RSRP1: variants seen among roughly 807,000 people sequenced by gnomAD.
RSRP1 encodes arginine/serine-rich protein 1.
A neutral mutation model predicts 33.0 loss-of-function variants in RSRP1; 37 were observed. The ratio of observed to expected loss-of-function variants is 1.12; its 90% confidence interval spans 0.86 to 1.48. The LOEUF (loss-of-function observed/expected upper bound fraction) is 1.48, where lower values mean the gene tolerates loss of function less well. Ranked by LOEUF, RSRP1 falls within the 40% of genes most tolerant of loss-of-function variation. RSRP1 has a pLI of 0.00. For synonymous variants in RSRP1, 167 were observed against 158.7 expected (o/e 1.05, Z -0.40); for missense variants, 402 against 385.3 (o/e 1.04, Z -0.36).
intron 1 of RSRP1, among the ~76,000 whole-genome samples, chr1:25,311,242 T>G (rs1220701671): frequency 1.5e-5 from 2 of 132,714 alleles, no homozygotes; most frequent in Non-Finnish European, 3.6e-5. Context: ...GAACTTTTTC[T>G]GTGCCAGAGT....
At chr1:25,296,971 T>C (rs182762412) in intron 1 of RSRP1, among the ~76,000 whole-genome samples, 2 of 131,786 alleles carry the variant, frequency 1.5e-5, no homozygotes, top group East Asian at 3.9e-4. Context: ...ATAACCTTTT[T>C]TCAGTTAACA....
rs1310798635 is a variant in RSRP1 at position 25,332,373 on chromosome 1, CATTTCAA to C, written c.-67+5598_-67+5604del. On this transcript the variant is annotated intron_variant, in intron 1 of 1. Transcript: ENST00000561867. ...TTCTTATTTCCCACATTGCCAATTC[CATTTCAA>C]TTAACTATAATAGCTATGTCTATTG... Among the ~76,000 whole-genome samples, 3 of 131,884 alleles carry C rather than the reference CATTTCAA, an allele frequency of 2.3e-5. 1 individual carries two copies. The highest frequency in any genetic ancestry group is 5.4e-5 in the Non-Finnish European group (3 of 55,776). The allele number at this position is 131,884 out of a possible 152,430, so 86.5% of individuals were successfully genotyped here. A position where few individuals can be genotyped will look rare whatever the true frequency, so the allele number is the denominator to read the frequency against.
intron 1 of RSRP1, among the ~76,000 whole-genome samples, chr1:25,283,399 C>T (rs28742253): frequency 0.014 from 1,821 of 130,726 alleles, 209 homozygotes; most frequent in African/African-American, 0.045. Context: ...GGCACGGTGG[C>T]AGGCACCTGT....
chr1:25,311,324 C>A (rs187265888), intron 1 of RSRP1, among the ~76,000 whole-genome samples: 3 of 131,824 alleles, frequency 2.3e-5, no homozygotes, highest in East Asian at 2.0e-4. Context: ...CAGCTGAGAA[C>A]ACTGAGAGTG....
rs1641447630 is a variant in RSRP1, at chr1:25,280,988, A to T, written c.-66-33959T>A. 1.5e-5 allele frequency among the ~76,000 whole-genome samples: 2 copies of T among 131,196 alleles called. 1 individual carries two copies. Among genetic ancestry groups the T allele is most frequent in the South Asian group, 4.7e-4 (2 of 4,300 alleles). The allele number at this position is 131,196 out of a possible 152,430, so 86.1% of individuals were successfully genotyped here. ...GGCAACTCTCCTCTCCCCATCTTCC[A>T]CTAACTTCTTTGGAATATTCCAGAG... On this transcript the variant is annotated intron_variant, in intron 1 of 1. Coordinates refer to the RSRP1 transcript ENST00000561867.
intron 1 of RSRP1, chr1:25,253,262 C>T (rs1385009929): frequency 1.3e-5 from 2 of 152,216 alleles, no homozygotes; most frequent in Non-Finnish European, 2.9e-5. Flanking sequence ...AACTTATAAT[C>T]AACATCCTTT....
At chr1:25,244,198 C>T in intron 3 of RSRP1, 1 of 1,289,020 alleles carries the variant, frequency 7.8e-7, no homozygotes. Flanking sequence ...TGAAGCAGGC[C>T]TCCTCTTCTG....
In RSRP1 at chr1:25,245,277, G is replaced by A. The variant is rs376481040; in HGVS notation, c.545C>T (p.Ala182Val). 6.2e-7 allele frequency: 1 copy of A among 1,613,294 alleles called. No individual in the cohort carries two copies. Among genetic ancestry groups the A allele is most frequent in the African/African-American group, 1.3e-5 (1 of 74,724 alleles). ...EKDRMELLEI[A>V]KTNAAKALGT... is the part of the protein sequence containing the mutation. Reference sequence around the variant, plus strand: ...TAGAGCTTTCGCTGCATTGGTTTTTGCTATTTCTAACAGCTCCATTCGATC... The same window carrying A: ...TAGAGCTTTCGCTGCATTGGTTTTTACTATTTCTAACAGCTCCATTCGATC... The change falls in exon 3 of 5, where the codon GCA (alanine) becomes GTA (valine). Residue 182 changes from alanine to valine, a missense_variant. Ala to Val is a moderately conservative substitution (Grantham distance 64). Transcript: ENST00000243189.
intron 1 of RSRP1, among the ~76,000 whole-genome samples, chr1:25,274,135 C>T (rs1278216430): frequency 1.5e-5 from 2 of 132,204 alleles, no homozygotes; most frequent in African/African-American, 5.2e-5. Context: ...TACTATGTAC[C>T]AGGCACTATT....
Position 25,332,467 on chromosome 1 carries a change from T to A in RSRP1, c.-67+5511A>T, listed in dbSNP as rs373495686. 1.5e-5 allele frequency among the ~76,000 whole-genome samples: 2 copies of A among 132,658 alleles called. 1 individual carries two copies. Among genetic ancestry groups the A allele is most frequent in the Non-Finnish European group, 3.6e-5 (2 of 56,042 alleles). The allele number at this position is 132,658 out of a possible 152,430, so 87.0% of individuals were successfully genotyped here. ...TGGGGATATATCCATGAATGAACTA[T>A]AGTCCCTGTTATTAAGTAATCCGTA... On this transcript the variant is annotated intron_variant, in intron 1 of 1. Coordinates refer to the RSRP1 transcript ENST00000561867.
Position 25,314,407 on chromosome 1 carries a change from A to G in RSRP1, c.-67+23571T>C, listed in dbSNP as rs1644324540. 3.0e-5 allele frequency among the ~76,000 whole-genome samples: 4 copies of G among 132,652 alleles called. 1 individual carries two copies. The highest frequency in any genetic ancestry group is 1.5e-4 in the Admixed American group (2 of 13,668). 87.0% of individuals were successfully genotyped at this position (132,652 alleles called of 152,430 possible). A position where few individuals can be genotyped will look rare whatever the true frequency, so the allele number is the denominator to read the frequency against. On this transcript the variant is annotated intron_variant, in intron 1 of 1. Transcript: ENST00000561867. Reference sequence around the variant, plus strand: ...ATTCAAGTTAGTTTGCCCATTTTCTATTGTGGTGTTCTGTCTTTTTCTTAT... The same window carrying G: ...ATTCAAGTTAGTTTGCCCATTTTCTGTTGTGGTGTTCTGTCTTTTTCTTAT...
intron 1 of RSRP1, among the ~76,000 whole-genome samples, chr1:25,254,174 C>T (rs922781075): frequency 6.6e-6 from 1 of 152,158 alleles, no homozygotes; most frequent in Non-Finnish European, 1.5e-5. Flanking sequence ...GGAGCTCACT[C>T]CACTGTTTGC....
chr1:25,266,043 A>G lies in RSRP1; in HGVS notation c.-66-19014T>C, dbSNP rs1200947389. 3 of 117,132 alleles carry G rather than the reference A, an allele frequency of 2.6e-5. 1 individual carries two copies. In the East Asian group the frequency reaches 6.1e-4, roughly 24 times the overall value. The allele number at this position is 117,132 out of a possible 1,614,324, so 7.3% of individuals were successfully genotyped here. A position where few individuals can be genotyped will look rare whatever the true frequency, so the allele number is the denominator to read the frequency against. Reference sequence around the variant, plus strand: ...TATTAGTCCAGTAATTGTAACAAATATACCACAATAATGAAAGCCATTAAT... The same window carrying G: ...TATTAGTCCAGTAATTGTAACAAATGTACCACAATAATGAAAGCCATTAAT... On this transcript the variant is annotated intron_variant, in intron 1 of 1. Transcript: ENST00000561867.
rs1457474399 is a variant in RSRP1 at position 25,334,329 on chromosome 1, C to A, written c.-67+3649G>T. On this transcript the variant is annotated intron_variant, in intron 1 of 1. Coordinates refer to the RSRP1 transcript ENST00000561867. ...GATCTCCTCTTGACTCCACATCTCA[C>A]ATCCAGGTCACGCAGATGGAAGGGG... Among the ~76,000 whole-genome samples, 20 of 132,590 alleles carry A rather than the reference C, an allele frequency of 1.5e-4. 4 individuals are homozygous for A. Among genetic ancestry groups the A allele is most frequent in the Non-Finnish European group, 2.0e-4 (11 of 56,016 alleles). 87.0% of individuals were successfully genotyped at this position (132,590 alleles called of 152,430 possible).
intron 4 of RSRP1, 117 bp from the exon 5 acceptor site, chr1:25,242,822 C>T: frequency 9.6e-6 from 7 of 729,590 alleles, no homozygotes; most frequent in South Asian, 1.8e-5. Context: ...AATTGCTGGG[C>T]GCGGTGGCTC....
chr1:25,297,594 T>C lies in RSRP1; in HGVS notation c.-67+40384A>G, dbSNP rs573559227. Among the ~76,000 whole-genome samples the C allele has an allele frequency of 6.1e-5, 8 of 131,732 alleles. 1 individual carries two copies. The highest frequency in any genetic ancestry group is 3.9e-4 in the East Asian group (2 of 5,132). The allele number at this position is 131,732 out of a possible 152,430, so 86.4% of individuals were successfully genotyped here. ...TCTTTCCTTCAGTAGTTGGCATTCT[T>C]CTGTAAGGAAAAGCTTTCGCTTCTC... is the stretch of plus-strand genomic sequence containing the variant. On this transcript the variant is annotated intron_variant, in intron 1 of 1. Coordinates refer to the RSRP1 transcript ENST00000561867.
At chr1:25,291,404 G>A (rs1642494668) in intron 1 of RSRP1, among the ~76,000 whole-genome samples, 1 of 132,158 alleles carries the variant, frequency 7.6e-6, no homozygotes, top group Non-Finnish European at 1.8e-5. Context: ...GAGAGGTGGA[G>A]GTTGCAGTGA....
At chr1:25,293,549 C>A (rs1314078680) in intron 1 of RSRP1, among the ~76,000 whole-genome samples, 1 of 130,996 alleles carries the variant, frequency 7.6e-6, no homozygotes, top group African/African-American at 2.6e-5. Context: ...TGATATGTCT[C>A]TGGGGAAACT....
rs1270368183 is a variant in RSRP1, at chr1:25,297,067, T to A, written c.-67+40911A>T. Among the ~76,000 whole-genome samples the A allele has an allele frequency of 2.3e-5, 3 of 129,194 alleles. 1 individual carries two copies. Among genetic ancestry groups the A allele is most frequent in the African/African-American group, 8.0e-5 (3 of 37,268 alleles). 84.8% of individuals were successfully genotyped at this position (129,194 alleles called of 152,430 possible). On this transcript the variant is annotated intron_variant, in intron 1 of 1. Coordinates refer to the RSRP1 transcript ENST00000561867. Reference sequence around the variant, plus strand: ...CAATAATATCTTTTCTAGAAAAAAATATATATTTTTTGTGGTCGAGGATTA... The same window carrying A: ...CAATAATATCTTTTCTAGAAAAAAAAATATATTTTTTGTGGTCGAGGATTA...
Sources: allele counts gnomAD v4.1 joint callset (sites outside exome capture counted in the v4.1 genomes callset), GRCh38; gene constraint gnomAD v4.1.1; transcripts MANE v1.5; gene names NCBI Gene and HGNC (gene_info 2026-07-23, HGNC 2026-07-21).